Variants in MYPN observed in about 807,000 individuals in gnomAD.
MYPN encodes myopalladin, also known as sarcomeric protein myopalladin, 145 kDa (MYOP).
MYPN carries 63 observed loss-of-function variants against 129.4 expected under a neutral mutation model. The ratio of observed to expected loss-of-function variants is 0.49; its 90% CI spans 0.40 to 0.60. The LOEUF (loss-of-function observed/expected upper bound fraction) is 0.60. MYPN is among the 20% of genes least tolerant of loss of function. The pLI is 0.00. For missense variants in MYPN, 1,596 were observed against 1,635.4 expected (o/e 0.98, Z 0.42); for synonymous variants, 629 against 600.9 (o/e 1.05, Z -0.68).
At chr10:68,143,786 A>C (rs2042615045) in intron 3 of MYPN, among the ~76,000 whole-genome samples, 1 of 151,756 alleles carries the variant, frequency 6.6e-6, no homozygotes, top group African/African-American at 2.4e-5. Context: ...ACGGAGTCTC[A>C]CTCTATTGCC....
chr10:68,193,797 G>GCGCA (rs1210452246), intron 13 of MYPN, among the ~76,000 whole-genome samples: 48 of 127,702 alleles, frequency 3.8e-4, no homozygotes, highest in African/African-American at 1.0e-3. Context: ...ATGTGTATGT[G>GCGCA]CACACACACA....
chr10:68,151,061 C>G (rs566724279), intron 6 of MYPN, among the ~76,000 whole-genome samples: 18 of 152,166 alleles, frequency 1.2e-4, no homozygotes, highest in Non-Finnish European at 4.4e-5. Context: ...CATCCCACAA[C>G]ACATAGGATG....
intron 1 of MYPN, among the ~76,000 whole-genome samples, chr10:68,119,945 A>G (rs2042218513): frequency 1.3e-5 from 2 of 152,090 alleles, no homozygotes; most frequent in Non-Finnish European, 2.9e-5. Flanking sequence ...GTTCCTAGGA[A>G]GCCTTTCGTG....
At position 68,180,562 on chromosome 10, in the gene MYPN, T is replaced by A. The variant is rs560070609; in HGVS notation, c.2703+5101T>A. On this transcript the variant is annotated intron_variant, in intron 12 of 19. Coordinates refer to ENST00000358913, the MANE Select transcript of MYPN (RefSeq NM_032578.4). Reference sequence around the variant, plus strand: ...TCTCTGGAAAGAAAAGGAGAACACTTTCTCTAACACACAGTGCTTTCTTTT... The same window carrying A: ...TCTCTGGAAAGAAAAGGAGAACACTATCTCTAACACACAGTGCTTTCTTTT... 1.1e-3 allele frequency among the ~76,000 whole-genome samples: 162 copies of A among 152,348 alleles called. No individual in the cohort carries two copies. In the South Asian group the frequency reaches 0.013, roughly 13 times the overall value.
chr10:68,165,516 C>A (rs1175643051), intron 8 of MYPN, 186 bp from the exon 9 acceptor site: 10 of 685,228 alleles, frequency 1.5e-5, no homozygotes, highest in Non-Finnish European at 2.7e-5. Flanking sequence ...TTTCTACATT[C>A]TTTGACTCAT....
At chr10:68,133,021 A>AATTTTTTTTTTTTTT (rs2042433240) in intron 2 of MYPN, among the ~76,000 whole-genome samples, 1 of 116,242 alleles carries the variant, frequency 8.6e-6, no homozygotes, top group African/African-American at 3.5e-5. Flanking sequence ...GTAGACCTCA[A>AATTTTTTTTTTTTTT]TTTTTTTTTT....
chr10:68,141,179 G>T (rs2042571702), intron 2 of MYPN, among the ~76,000 whole-genome samples: 2 of 152,108 alleles, frequency 1.3e-5, no homozygotes, highest in South Asian at 4.1e-4. Flanking sequence ...GACCATTCTG[G>T]TCAACATGGT....
At chr10:68,111,431 T>C (rs1253039514) in intron 1 of MYPN, among the ~76,000 whole-genome samples, 2 of 151,888 alleles carry the variant, frequency 1.3e-5, no homozygotes, top group South Asian at 2.1e-4. Flanking sequence ...GACAAAGATG[T>C]TGCTGGTCTC....
chr10:68,205,777 C>G (rs978465353), intron 18 of MYPN, among the ~76,000 whole-genome samples: 2 of 152,032 alleles, frequency 1.3e-5, no homozygotes, highest in Non-Finnish European at 2.9e-5. Context: ...ACATAGTATT[C>G]GTAAGTGTTT....
chr10:68,173,201 C>G (rs1045027032), intron 10 of MYPN, among the ~76,000 whole-genome samples: 2 of 152,194 alleles, frequency 1.3e-5, no homozygotes, highest in Non-Finnish European at 2.9e-5. Context: ...GAATGAGAAA[C>G]CTCTCTGAGA....
At chr10:68,209,481 A>G (rs776171246) in intron 19 of MYPN, among the ~76,000 whole-genome samples, 1 of 152,142 alleles carries the variant, frequency 6.6e-6, no homozygotes, top group African/African-American at 2.4e-5. Flanking sequence ...GGCACTGCTC[A>G]GAGGGGCAAA....
In MYPN at chr10:68,168,835, T is replaced by C. The variant is rs184131492; in HGVS notation, c.1973+2169T>C. ...CACCATACACGGGGTCAAAAAGGCC[T>C]GTTTCAAATTAGCCAGGTGTGGTGG... On this transcript the variant is annotated intron_variant, in intron 10 of 19. Coordinates refer to ENST00000358913, the MANE Select transcript of MYPN (RefSeq NM_032578.4). 4.1e-3 allele frequency among the ~76,000 whole-genome samples: 621 copies of C among 151,800 alleles called. 7 individuals carry two copies. Among genetic ancestry groups the C allele is most frequent in the African/African-American group, 0.015 (601 of 41,372 alleles).
intron 2 of MYPN, among the ~76,000 whole-genome samples, chr10:68,140,796 T>G (rs1033999125): frequency 1.3e-5 from 2 of 152,140 alleles, no homozygotes; most frequent in Non-Finnish European, 2.9e-5. Context: ...TTATAGGATG[T>G]GTGTGGTGGC....
At chr10:68,181,152 A>C (rs1429282354) in intron 12 of MYPN, among the ~76,000 whole-genome samples, 1 of 152,208 alleles carries the variant, frequency 6.6e-6, no homozygotes, top group African/African-American at 2.4e-5. Flanking sequence ...TCCTGTTTTT[A>C]CTCACAAAGG....
chr10:68,166,386 T>G lies in MYPN; in HGVS notation c.1693T>G (p.Ser565Ala). ...AIEPQPSPPH[S>A]EPPSVEQPPK... ...TGAGCCACAGCCCTCCCCACCCCAC[T>G]CAGAGCCTCCATCTGTGGAACAACC... The change falls in exon 10 of 20, where the codon TCA (serine) becomes GCA (alanine). Residue 565 changes from serine to alanine, a missense_variant. Transcript: ENST00000358913. 1.2e-6 allele frequency: 2 copies of G among 1,613,878 alleles called. No individual in the cohort carries two copies. Among genetic ancestry groups the G allele is most frequent in the Non-Finnish European group, 1.7e-6 (2 of 1,179,988 alleles).
chr10:68,106,664 G>A (rs1329269823), upstream of MYPN: 10 of 712,018 alleles, frequency 1.4e-5, no homozygotes, highest in Non-Finnish European at 1.8e-5. Context: ...AGCCTATAGC[G>A]ATATAAAAAA....
chr10:68,114,302 A>T (rs2042122094), intron 1 of MYPN: 1 of 151,738 alleles, frequency 6.6e-6, no homozygotes, highest in African/African-American at 2.4e-5. Context: ...CAAAGGTATC[A>T]GCCTCAAACT....
At chr10:68,203,689 G>GTA (rs1431801231) in intron 18 of MYPN, among the ~76,000 whole-genome samples, 2 of 52,654 alleles carry the variant, frequency 3.8e-5, no homozygotes, top group Non-Finnish European at 1.3e-4. Flanking sequence ...AAACGCGCAC[G>GTA]CACACACACA....
chr10:68,176,930 C>T (rs971797277), intron 12 of MYPN, among the ~76,000 whole-genome samples: 1 of 152,196 alleles, frequency 6.6e-6, no homozygotes, highest in Non-Finnish European at 1.5e-5. Flanking sequence ...GATTTGTTTT[C>T]CTATAATACT....
Sources: gnomAD v4.1 joint callset for allele counts (sites outside exome capture counted in the v4.1 genomes callset) on GRCh38, gnomAD v4.1.1 for gene constraint, MANE v1.5 for transcripts, NCBI Gene and HGNC (gene_info 2026-07-23, HGNC 2026-07-21) for gene names.